The following SLC37A1 variants were observed in gnomAD, a reference collection of about 807,000 sequenced individuals.
The protein encoded by SLC37A1 is glucose-6-phosphate exchanger SLC37A1.
A neutral mutation model predicts 75.3 loss-of-function variants in SLC37A1; 49 were observed. That is an observed-to-expected ratio of 0.65 (90% CI 0.52 to 0.83). SLC37A1 has a LOEUF of 0.83. SLC37A1 is among the 40% of genes least tolerant of loss of function. The pLI is 0.00. For missense variants in SLC37A1, 566 were observed against 695.0 expected, an observed-to-expected ratio of 0.81 and a Z score of 2.09; for synonymous variants, 268 against 292.1, an observed-to-expected ratio of 0.92 and a Z score of 0.84.
chr21:42,567,210 A>G, intron 16 of SLC37A1, 152 bp downstream of exon 16: 1 of 719,084 alleles, frequency 1.4e-6, no homozygotes, highest in Non-Finnish European at 2.4e-6. Flanking sequence ...GCCTTCCCGC[A>G]CCTGCCCCGC....
At chr21:42,562,445 G>T (rs1333521591) in intron 12 of SLC37A1, among the ~76,000 whole-genome samples, 1 of 152,192 alleles carries the variant, frequency 6.6e-6, no homozygotes, top group African/African-American at 2.4e-5. Flanking sequence ...TTCTGGGGCA[G>T]CCTGCGTTTA....
intron 2 of SLC37A1, among the ~76,000 whole-genome samples, chr21:42,507,716 A>G (rs2054397172): frequency 6.6e-6 from 1 of 152,138 alleles, no homozygotes; most frequent in Non-Finnish European, 1.5e-5. Flanking sequence ...GGCCTCACAT[A>G]GTGAGAGGGG....
At chr21:42,568,757 C>G (rs760298727) in intron 17 of SLC37A1, among the ~76,000 whole-genome samples, 5 of 152,010 alleles carry the variant, frequency 3.3e-5, no homozygotes, top group Non-Finnish European at 7.4e-5. Context: ...AAGGCAGAAT[C>G]TTATTTAAAT....
intron 8 of SLC37A1, among the ~76,000 whole-genome samples, chr21:42,544,680 T>G (rs567130823): frequency 6.6e-6 from 1 of 152,308 alleles, no homozygotes; most frequent in East Asian, 1.9e-4. Flanking sequence ...AGGGGCCTCC[T>G]GGGATGGGTG....
At chr21:42,503,777 C>T (rs900641104) in intron 2 of SLC37A1, among the ~76,000 whole-genome samples, 13 of 152,326 alleles carry the variant, frequency 8.5e-5, no homozygotes, top group African/African-American at 2.9e-4. Flanking sequence ...GGAGCAAATA[C>T]AGTTATCGGA....
At chr21:42,506,327 A>G (rs541146272) in intron 2 of SLC37A1, among the ~76,000 whole-genome samples, 2 of 152,338 alleles carry the variant, frequency 1.3e-5, no homozygotes, top group Admixed American at 6.5e-5. Flanking sequence ...ATTTTTAGAG[A>G]AAAATAGCAA....
chr21:42,504,705 A>G (rs115365810), intron 2 of SLC37A1, among the ~76,000 whole-genome samples: 1,536 of 152,312 alleles, frequency 0.01, 21 homozygotes, highest in African/African-American at 0.035. Context: ...GAACAGTTTC[A>G]AGTTATTATT....
intron 5 of SLC37A1, among the ~76,000 whole-genome samples, chr21:42,537,359 G>A (rs2055167486): frequency 6.6e-6 from 1 of 152,192 alleles, no homozygotes; most frequent in Admixed American, 6.5e-5. Flanking sequence ...TCTCCACTTT[G>A]AGGTCAAATG....
In SLC37A1 at chr21:42,514,079, C is replaced by G. The variant is rs111804710; in HGVS notation, c.-817C>G. The G allele has an allele frequency of 6.6e-6, 1 of 150,988 alleles. No individual in the cohort carries two copies. Among genetic ancestry groups the G allele is most frequent in the Non-Finnish European group, 1.5e-5 (1 of 67,628 alleles). 9.4% of individuals were successfully genotyped at this position (150,988 alleles called of 1,614,324 possible). On this transcript the variant is annotated 5_prime_UTR_variant, in exon 1 of 20. Transcript: ENST00000352133. The surrounding 1 kb of genome is among the most constrained non-coding windows in gnomAD (Gnocchi z 4.8). ...GGGGCCCTGCGCACTCGGAGCTCGG[C>G]TCCTCTCCTTCCTTTTCTTTTTTTT...
chr21:42,522,952 G>A (rs73374158), intron 2 of SLC37A1, among the ~76,000 whole-genome samples: 83 of 152,348 alleles, frequency 5.4e-4, no homozygotes, highest in African/African-American at 1.9e-3. Flanking sequence ...AGCCCAGAAC[G>A]CATCACCAGG....
chr21:42,531,211 C>T (rs889184980), intron 3 of SLC37A1, among the ~76,000 whole-genome samples: 3 of 152,030 alleles, frequency 2.0e-5, no homozygotes, highest in Admixed American at 6.5e-5. Flanking sequence ...CTGTGACTCC[C>T]GGCCCCGCCG....
At chr21:42,566,756 G>T (rs533894304) in intron 15 of SLC37A1, among the ~76,000 whole-genome samples, 2 of 152,346 alleles carry the variant, frequency 1.3e-5, no homozygotes, top group East Asian at 1.9e-4. Flanking sequence ...CCAGGGTCCG[G>T]CCTGTGATCG....
At chr21:42,570,172 CCATTGCCA>C in intron 17 of SLC37A1, among the ~76,000 whole-genome samples, 4 of 105,254 alleles carry the variant, frequency 3.8e-5, no homozygotes, top group African/African-American at 1.4e-4. Context: ...GGCAGGGTGG[CCATTGCCA>C]TGTGACACAT....
intron 2 of SLC37A1, among the ~76,000 whole-genome samples, chr21:42,508,265 A>G (rs894900238): frequency 4.0e-5 from 6 of 151,070 alleles, no homozygotes; most frequent in Non-Finnish European, 5.9e-5. Flanking sequence ...CGTAGCTATG[A>G]TTACAGGTGC....
intron 3 of SLC37A1, among the ~76,000 whole-genome samples, chr21:42,530,441 C>T (rs1316151631): frequency 6.6e-6 from 1 of 152,072 alleles, no homozygotes; most frequent in Admixed American, 6.5e-5. Context: ...CTTTTGGTAC[C>T]AAAACTGTAA....
At chr21:42,527,124 AT>A (rs2054816431) in intron 3 of SLC37A1, among the ~76,000 whole-genome samples, 2 of 152,110 alleles carry the variant, frequency 1.3e-5, no homozygotes, top group African/African-American at 4.8e-5. Flanking sequence ...TTGGGTGTGG[AT>A]TGTAGGGGAA....
chr21:42,562,180 C>T lies in SLC37A1; in HGVS notation c.1072+12C>T, dbSNP rs200405042. 331 of 1,610,458 alleles carry T rather than the reference C, an allele frequency of 2.1e-4. 1 individual carries two copies. The African/African-American group carries it at 2.3e-3, about 11-fold the overall frequency. ...CATCACGAATGTGGGTGAGTATCCA[C>T]GCTAGAACACATTAAATTCCGCACA... On this transcript the variant is annotated intron_variant, in intron 12 of 19. Transcript: ENST00000352133.
At chr21:42,505,895 C>T (rs1270620996) in intron 2 of SLC37A1, among the ~76,000 whole-genome samples, 1 of 152,170 alleles carries the variant, frequency 6.6e-6, no homozygotes, top group Non-Finnish European at 1.5e-5. Flanking sequence ...GAGGACCTCT[C>T]CTATTCATCT....
intron 2 of SLC37A1, among the ~76,000 whole-genome samples, chr21:42,519,589 C>T (rs1346173411): frequency 6.6e-6 from 1 of 152,184 alleles, no homozygotes; most frequent in Admixed American, 6.5e-5. Context: ...GCCACAGCGG[C>T]AGATTCTGGG....
Sources: allele counts gnomAD v4.1 joint callset (sites outside exome capture counted in the v4.1 genomes callset), GRCh38; gene constraint gnomAD v4.1.1; non-coding constraint Gnocchi (gnomAD v3.1); transcripts MANE v1.5; gene names NCBI Gene and HGNC (gene_info 2026-07-23, HGNC 2026-07-21).